Variants in CSMD1 observed in about 807,000 individuals in gnomAD.
The protein encoded by CSMD1 is CUB and sushi domain-containing protein 1.
Under a neutral mutation model 417.5 loss-of-function variants are expected in CSMD1, and 213 were observed. The ratio of observed to expected loss-of-function variants is 0.51; its 90% confidence interval spans 0.46 to 0.57. The LOEUF (loss-of-function observed/expected upper bound fraction) is 0.57, where lower values mean the gene tolerates loss of function less well. Ranked by LOEUF, CSMD1 falls within the 20% of genes least tolerant of loss-of-function variation. The probability of loss-of-function intolerance (pLI) is 0.00; values close to 1 mark genes in which losing one functional copy is unlikely to be tolerated. For missense variants in CSMD1, 6,923 were observed against 4,529.7 expected, an observed-to-expected ratio of 1.53 and a Z score of -15.17; for synonymous variants, 2,862 against 1,736.8, an observed-to-expected ratio of 1.65 and a Z score of -16.11.
chr8:4,488,305 G>T (rs1038209011), intron 2 of CSMD1, among the ~76,000 whole-genome samples: 1 of 152,074 alleles, frequency 6.6e-6, no homozygotes, highest in Admixed American at 6.5e-5. Flanking sequence ...ATAACCACAG[G>T]AGTAGTTAAC....
chr8:4,552,550 G>A (rs1350307565), intron 2 of CSMD1, among the ~76,000 whole-genome samples: 1 of 151,948 alleles, frequency 6.6e-6, no homozygotes, highest in African/African-American at 2.4e-5. Context: ...TCCATTCCCT[G>A]GGAAGCACTA....
chr8:4,105,305 C>T (rs1252329230), intron 3 of CSMD1, among the ~76,000 whole-genome samples: 1 of 151,168 alleles, frequency 6.6e-6, no homozygotes, highest in Non-Finnish European at 1.5e-5. Flanking sequence ...CATTTCATTG[C>T]TTTAGTGATC....
In CSMD1 at chr8:3,033,322, G is replaced by A. The variant is rs181769288; in HGVS notation, c.7661-3809C>T. On this transcript the variant is annotated intron_variant, in intron 50 of 69. Coordinates refer to ENST00000635120, the MANE Select transcript of CSMD1 (RefSeq NM_033225.6). Reference sequence around the variant, plus strand: ...AATCTACATTCAACACAAAAGTAATGTTTTATTGGTAAGACACCAATTGAT... The same window carrying A: ...AATCTACATTCAACACAAAAGTAATATTTTATTGGTAAGACACCAATTGAT... 1.2e-3 allele frequency among the ~76,000 whole-genome samples: 190 copies of A among 152,126 alleles called. 2 individuals are homozygous for A. The highest frequency in any genetic ancestry group is 3.6e-3 in the Admixed American group (55 of 15,264).
chr8:4,231,527 T>G (rs949085792), intron 3 of CSMD1, among the ~76,000 whole-genome samples: 3 of 152,138 alleles, frequency 2.0e-5, no homozygotes, highest in Non-Finnish European at 4.4e-5. Flanking sequence ...GTCTGTAATT[T>G]TTTTTTGGTG....
chr8:3,279,692 G>C (rs954577965), intron 26 of CSMD1, among the ~76,000 whole-genome samples: 3 of 152,136 alleles, frequency 2.0e-5, no homozygotes, highest in Non-Finnish European at 4.4e-5. Flanking sequence ...GCATGGCTGG[G>C]GAGGCCTCAG....
intron 3 of CSMD1, among the ~76,000 whole-genome samples, chr8:4,238,311 G>T (rs983086976): frequency 6.6e-6 from 1 of 152,142 alleles, no homozygotes; most frequent in Non-Finnish European, 1.5e-5. Context: ...TCTCAGCTTG[G>T]TCCTCCTCAG....
intron 1 of CSMD1, among the ~76,000 whole-genome samples, chr8:4,701,530 A>G (rs1466152714): frequency 6.6e-6 from 1 of 151,956 alleles, no homozygotes; most frequent in East Asian, 1.9e-4. Flanking sequence ...GGGAAGCATC[A>G]ATGGTGGGCA....
At position 4,177,661 on chromosome 8, in the gene CSMD1, A is replaced by C. The variant is rs541821891; in HGVS notation, c.416-145562T>G. 7.6e-4 allele frequency among the ~76,000 whole-genome samples: 108 copies of C among 142,858 alleles called. 3 individuals carry two copies. The highest frequency in any genetic ancestry group is 2.5e-3 in the African/African-American group (95 of 38,538). 93.7% of individuals were successfully genotyped at this position (142,858 alleles called of 152,430 possible). On this transcript the variant is annotated intron_variant, in intron 3 of 69. Coordinates refer to ENST00000635120, the MANE Select transcript of CSMD1 (RefSeq NM_033225.6). The stretch of plus-strand genomic sequence containing the variant: ...CAGGAGCTGCTTTTTTGAAAAGATC[A>C]ACAAAATTGATAGACCGCTAGCAAG...
At chr8:4,132,101 A>G (rs1803143403) in intron 3 of CSMD1, among the ~76,000 whole-genome samples, 1 of 151,972 alleles carries the variant, frequency 6.6e-6, no homozygotes, top group African/African-American at 2.4e-5. Context: ...AGAATCACAT[A>G]TGGATCCCCA....
chr8:3,501,475 A>G (rs968733493), intron 10 of CSMD1, among the ~76,000 whole-genome samples: 8 of 152,230 alleles, frequency 5.3e-5, no homozygotes, highest in African/African-American at 1.4e-4. Context: ...TTTAGAACTG[A>G]CAGCACAATA....
intron 3 of CSMD1, among the ~76,000 whole-genome samples, chr8:4,214,291 A>G (rs1005663147): frequency 6.6e-6 from 1 of 152,168 alleles, no homozygotes; most frequent in Non-Finnish European, 1.5e-5. Context: ...TAAAATTAGT[A>G]GTAATAGTAT....
At chr8:4,337,673 A>T (rs539875529) in intron 3 of CSMD1, among the ~76,000 whole-genome samples, 3 of 152,082 alleles carry the variant, frequency 2.0e-5, no homozygotes, top group Non-Finnish European at 2.9e-5. Flanking sequence ...CTCACAGACA[A>T]TTTTTTCTTT....
At chr8:4,565,799 T>C (rs1470843702) in intron 2 of CSMD1, among the ~76,000 whole-genome samples, 9 of 74,802 alleles carry the variant, frequency 1.2e-4, no homozygotes, top group African/African-American at 4.3e-4. Context: ...TATATATATG[T>C]ATACATATAT....
chr8:3,006,587 G>A (rs1173140344), intron 52 of CSMD1, among the ~76,000 whole-genome samples: 9 of 151,592 alleles, frequency 5.9e-5, no homozygotes, highest in Non-Finnish European at 2.9e-5. Flanking sequence ...ATAGATCAAT[G>A]GAACAGAACA....
chr8:4,816,441 T>G (rs1459008418), intron 1 of CSMD1, among the ~76,000 whole-genome samples: 1 of 152,054 alleles, frequency 6.6e-6, no homozygotes, highest in Admixed American at 6.6e-5. Context: ...TTGGCCAGGC[T>G]CGTCCCAAAC....
intron 4 of CSMD1, among the ~76,000 whole-genome samples, chr8:4,029,517 C>G (rs983487075): frequency 1.3e-5 from 2 of 152,120 alleles, no homozygotes; most frequent in African/African-American, 2.4e-5. Context: ...TTCACTATCA[C>G]AAGAACAGCG....
At chr8:3,259,330 G>A (rs965654863) in intron 26 of CSMD1, among the ~76,000 whole-genome samples, 2 of 152,182 alleles carry the variant, frequency 1.3e-5, no homozygotes, top group Admixed American at 1.3e-4. Flanking sequence ...CTGCAAAGCA[G>A]GAATCTTGAC....
chr8:4,317,223 G>C (rs1031028793), intron 3 of CSMD1, among the ~76,000 whole-genome samples: 13 of 151,916 alleles, frequency 8.6e-5, no homozygotes, highest in Non-Finnish European at 1.5e-4. Context: ...ATAACAATCT[G>C]GTAAGGTAGG....
chr8:4,713,386 TTTGTTTTGTTTTGTTTTG>T, intron 1 of CSMD1, among the ~76,000 whole-genome samples: 1 of 151,508 alleles, frequency 6.6e-6, no homozygotes, highest in Non-Finnish European at 1.5e-5. Flanking sequence ...TTTGTTTTGT[TTTGTTTTGTTTTGTTTTG>T]TTTTGTTTTG....
Sources: allele counts gnomAD v4.1 joint callset (sites outside exome capture counted in the v4.1 genomes callset), GRCh38; gene constraint gnomAD v4.1.1; transcripts MANE v1.5; gene names NCBI Gene and HGNC (gene_info 2026-07-23, HGNC 2026-07-21).